ARHGAP23: variants seen among roughly 807,000 people sequenced by gnomAD.
The protein encoded by ARHGAP23 is Rho GTPase activating protein 23, also known as rho GTPase-activating protein 23.
A neutral mutation model predicts 136.3 loss-of-function variants in ARHGAP23; 34 were observed. The observed-to-expected ratio is 0.25, with a 90% CI of 0.19 to 0.33. The LOEUF (loss-of-function observed/expected upper bound fraction) is 0.33. ARHGAP23 is among the 10% of genes least tolerant of loss of function. The pLI is 1.00. For missense variants in ARHGAP23, 1,808 were observed against 2,139.0 expected (o/e 0.85, Z 3.05); for synonymous variants, 832 against 920.5 (o/e 0.90, Z 1.74).
chr17:38,480,430 G>A (rs1371345698), intron 14 of ARHGAP23, among the ~76,000 whole-genome samples: 2 of 152,098 alleles, frequency 1.3e-5, no homozygotes, highest in South Asian at 2.1e-4. Flanking sequence ...TCAGGAGATC[G>A]AGACCATCCT....
chr17:38,466,941 C>T lies in ARHGAP23; in HGVS notation c.1258C>T (p.Arg420Trp), dbSNP rs758382395. Reference protein sequence around the residue: ...GLDDLGYIGYRSYSPSFQRRT... With the variant: ...GLDDLGYIGYWSYSPSFQRRT... ...GGATGACCTCGGGTACATCGGCTAC[C>T]GGAGCTACAGCCCATCATTCCAGCG... is the stretch of plus-strand genomic sequence containing the variant. Residue 420 changes from arginine (R) to tryptophan (W), a missense_variant, in exon 7 of 24, where the codon CGG (arginine) becomes TGG (tryptophan). Transcript: ENST00000622683. 8.3e-5 allele frequency: 128 copies of T among 1,550,404 alleles called. No homozygotes were observed. Among genetic ancestry groups the T allele is most frequent in the African/African-American group, 5.1e-4 (37 of 73,062 alleles).
intron 6 of ARHGAP23, among the ~76,000 whole-genome samples, chr17:38,464,504 T>C (rs908535679): frequency 1.3e-5 from 2 of 152,214 alleles, no homozygotes; most frequent in African/African-American, 4.8e-5. Flanking sequence ...GTAATCACAG[T>C]GCCATGCCTG....
intron 22 of ARHGAP23, among the ~76,000 whole-genome samples, chr17:38,499,501 C>T (rs1161075171): frequency 6.6e-6 from 1 of 152,152 alleles, no homozygotes; most frequent in African/African-American, 2.4e-5. Context: ...GCCACTGACT[C>T]CTCCCCCCGC....
intron 1 of ARHGAP23, chr17:38,453,808 GCGGGGACCCC>G (rs1471282688): frequency 6.9e-6 from 1 of 144,396 alleles, no homozygotes; most frequent in Non-Finnish European, 1.5e-5. Flanking sequence ...CGGGGGGCGG[GCGGGGACCCC>G]CGGGGCCCGC....
In ARHGAP23 at chr17:38,466,576, G is replaced by A. The variant is rs1160914815; in HGVS notation, c.893G>A (p.Arg298His). 16 of 1,494,924 alleles carry A rather than the reference G, an allele frequency of 1.1e-5. No homozygotes were observed. Among genetic ancestry groups the A allele is most frequent in the East Asian group, 7.4e-5 (3 of 40,562 alleles). 92.6% of individuals were successfully genotyped at this position (1,494,924 alleles called of 1,614,324 possible). Residue 298 changes from arginine (R) to histidine (H), a missense_variant, in exon 7 of 24, where the codon CGC (arginine) becomes CAC (histidine). By Grantham distance (29) the Arg-to-His change is conservative. This residue lies in a region of ARHGAP23 where 859 missense variants were observed against 936.4 expected (regional missense o/e 0.92). Coordinates refer to ENST00000622683, the MANE Select transcript of ARHGAP23 (RefSeq NM_001199417.2). ...CACTGGCTGTCAAACCAGGTACCCCGCCGGGCGGGGGAGAGACGGTGCCCA... is the reference window on the plus strand; with the variant it reads ...CACTGGCTGTCAAACCAGGTACCCCACCGGGCGGGGGAGAGACGGTGCCCA... ...LSHWLSNQVP[R>H]RAGERRCPAM...
chr17:38,445,633 T>G (rs1262608850), intron 1 of ARHGAP23, among the ~76,000 whole-genome samples: 1 of 139,104 alleles, frequency 7.2e-6, no homozygotes, highest in African/African-American at 2.9e-5. Context: ...ATTTATTCAT[T>G]CATTCCTTTT....
intron 11 of ARHGAP23, among the ~76,000 whole-genome samples, chr17:38,475,945 T>G (rs1434492578): frequency 6.6e-6 from 1 of 152,028 alleles, no homozygotes; most frequent in Non-Finnish European, 1.5e-5. Context: ...AGCAGCCACA[T>G]ATAGAAGTGA....
intron 20 of ARHGAP23, among the ~76,000 whole-genome samples, chr17:38,495,064 G>A (rs1188701251): frequency 1.3e-5 from 2 of 152,066 alleles, no homozygotes; most frequent in Non-Finnish European, 2.9e-5. Context: ...TGCACTCGAC[G>A]TTTTCCATAC....
At position 38,510,189 on chromosome 17, in the gene ARHGAP23, C is replaced by A; in HGVS notation, c.3693C>A (p.Pro1231=). Residue 1231 remains proline (P), a synonymous_variant, in exon 24 of 24, where the codon CCC becomes CCA. Transcript: ENST00000622683. The surrounding 1 kb of genome is among the most constrained non-coding windows in gnomAD (Gnocchi z 4.6). ...CCGAGGCCCCCGGACGCCTCAGTCC[C>A]CCGGCGGCGCCGGAGGAGCGGCCGG... The part of the protein sequence containing the change: ...VAPEAPGRLS[P]PAAPEERPAA... 1 of 1,350,566 alleles carries A rather than the reference C, an allele frequency of 7.4e-7. No individual in the cohort carries two copies. Among genetic ancestry groups the A allele is most frequent in the Non-Finnish European group, 9.5e-7 (1 of 1,053,416 alleles). 83.7% of individuals were successfully genotyped at this position (1,350,566 alleles called of 1,614,324 possible).
At chr17:38,423,568 T>A (rs1319559488), upstream of ARHGAP23, among the ~76,000 whole-genome samples, 1 of 152,048 alleles carries the variant, frequency 6.6e-6, no homozygotes, top group Non-Finnish European at 1.5e-5. Context: ...AGATGGGATT[T>A]CACCATGTTG....
At chr17:38,435,411 G>C (rs187776159) in intron 1 of ARHGAP23, among the ~76,000 whole-genome samples, 1 of 152,080 alleles carries the variant, frequency 6.6e-6, no homozygotes, top group African/African-American at 2.4e-5. Context: ...AGGAAGGAGT[G>C]GTTCCTGCTG....
rs371617584 is a variant in ARHGAP23 at position 38,511,265 on chromosome 17, C to G, written c.*293C>G. 6 of 365,678 alleles carry G rather than the reference C, an allele frequency of 1.6e-5. No homozygotes were observed. The highest frequency in any genetic ancestry group is 1.3e-4 in the African/African-American group (6 of 47,388). The allele number at this position is 365,678 out of a possible 1,614,324, so 22.7% of individuals were successfully genotyped here. A position where few individuals can be genotyped will look rare whatever the true frequency, so the allele number is the denominator to read the frequency against. On this transcript the variant is annotated 3_prime_UTR_variant, in exon 24 of 24. Coordinates refer to ENST00000622683, the MANE Select transcript of ARHGAP23 (RefSeq NM_001199417.2). ...CATGCGCCCGATAGGTCCTTCTGAG[C>G]CTTTCTGTGGCTGCACTTGGGGACC...
In ARHGAP23 at chr17:38,490,145, G is replaced by A. The variant is rs9891156; in HGVS notation, c.3030G>A (p.Ala1010=). The A allele has an allele frequency of 0.021, 31,998 of 1,551,740 alleles. 424 individuals are homozygous for A. The highest frequency in any genetic ancestry group is 0.026 in the Middle Eastern group (157 of 5,984). The change falls in exon 18 of 24, where the codon GCG becomes GCA. Residue 1010 remains alanine, a synonymous_variant. Coordinates refer to ENST00000622683, the MANE Select transcript of ARHGAP23 (RefSeq NM_001199417.2). ...TCGAGGCCAACCGCATTGAGGACGCGCGGGAGCGAATGAGGACGCTGCGGA... is the reference window on the plus strand; with the variant it reads ...TCGAGGCCAACCGCATTGAGGACGCACGGGAGCGAATGAGGACGCTGCGGA... ...DFIEANRIED[A]RERMRTLRKL...
intron 19 of ARHGAP23, 82 bp downstream of exon 19, chr17:38,490,633 A>G: frequency 1.7e-6 from 2 of 1,162,450 alleles, no homozygotes; most frequent in Non-Finnish European, 2.5e-6. Context: ...ACTGAGCTCC[A>G]GCAGGTCCAG....
chr17:38,449,944 A>G (rs956239330), intron 1 of ARHGAP23, among the ~76,000 whole-genome samples: 1 of 151,938 alleles, frequency 6.6e-6, no homozygotes, highest in Non-Finnish European at 1.5e-5. Flanking sequence ...CCTATCTCTG[A>G]CCCTTGGGAC....
chr17:38,491,755 C>T (rs1191536781), intron 20 of ARHGAP23: 15 of 624,730 alleles, frequency 2.4e-5, no homozygotes, highest in East Asian at 5.6e-5. Flanking sequence ...GATGTTGTGT[C>T]CCCAGCAGGA....
chr17:38,449,906 C>T (rs2039121622), intron 1 of ARHGAP23, among the ~76,000 whole-genome samples: 1 of 152,154 alleles, frequency 6.6e-6, no homozygotes, highest in Non-Finnish European at 1.5e-5. Flanking sequence ...AACCACACGC[C>T]CTGCAACACG....
chr17:38,459,749 T>G (rs1162151731), intron 2 of ARHGAP23, among the ~76,000 whole-genome samples: 1 of 152,188 alleles, frequency 6.6e-6, no homozygotes, highest in East Asian at 1.9e-4. Context: ...CTCCCGTCCT[T>G]CATGCTGCCA....
Position 38,466,252 on chromosome 17 carries a change from A to G in ARHGAP23, c.569A>G (p.Tyr190Cys). 1 of 1,546,192 alleles carries G rather than the reference A, an allele frequency of 6.5e-7. No individual in the cohort carries two copies. The highest frequency in any genetic ancestry group is 1.4e-5 in the African/African-American group (1 of 72,164). The change falls in exon 7 of 24, where the codon TAC becomes TGC. Residue 190 changes from tyrosine (Y) to cysteine (C), a missense_variant. Around this residue, in one of 7 missense-constraint regions of ARHGAP23, gnomAD observed 859 missense variants for 936.4 expected, o/e 0.92. Transcript: ENST00000622683. ...ATCCCAGAGCCACCCCCGATCTGCT[A>G]CCCCCGCAAGACCTACGCCCCTCCT... ...RSIPEPPPICYPRKTYAPPAR... is the reference protein window; with the variant it reads ...RSIPEPPPICCPRKTYAPPAR...
Sources: gnomAD v4.1 joint callset for allele counts (sites outside exome capture counted in the v4.1 genomes callset) on GRCh38, gnomAD v4.1.1 for gene constraint, gnomAD v4.1.1 regional missense constraint, Gnocchi (gnomAD v3.1) non-coding constraint, MANE v1.5 for transcripts, NCBI Gene and HGNC (gene_info 2026-07-23, HGNC 2026-07-21) for gene names.